Variants in MTF2 observed in about 807,000 individuals in gnomAD.
MTF2 encodes the protein metal response element binding transcription factor 2.
MTF2 carries 11 observed loss-of-function variants against 79.5 expected under a neutral mutation model. The ratio of observed to expected loss-of-function variants is 0.14; its 90% CI spans 0.09 to 0.23. The LOEUF (loss-of-function observed/expected upper bound fraction) is 0.23. MTF2 is among the 10% of genes least tolerant of loss of function. The probability of loss-of-function intolerance (pLI) is 1.00; values close to 1 mark genes in which losing one functional copy is unlikely to be tolerated. For synonymous variants in MTF2, 208 were observed against 232.8 expected, an observed-to-expected ratio of 0.89 and a Z score of 0.97; for missense variants, 486 against 711.2, an observed-to-expected ratio of 0.68 and a Z score of 3.60.
rs779044413 is a variant in MTF2, at chr1:93,136,802, T to G, written c.1557T>G (p.Asp519Glu). Residue 519 changes from aspartate to glutamate, a missense_variant, in exon 15 of 15, where the codon GAT becomes GAG. Coordinates refer to ENST00000370298, the MANE Select transcript of MTF2 (RefSeq NM_007358.4). ...AGAACTCAGAAATTGTAAAAGATGA[T>G]GAAGGCAAAGAAGATTATCAGTTTG... ...QTQNSEIVKD[D>E]EGKEDYQFDE... 2 of 1,614,008 alleles carry G rather than the reference T, an allele frequency of 1.2e-6. No individual in the cohort carries two copies. Among genetic ancestry groups the G allele is most frequent in the Non-Finnish European group, 1.7e-6 (2 of 1,180,022 alleles).
intron 9 of MTF2, among the ~76,000 whole-genome samples, chr1:93,125,227 A>T (rs1656645134): frequency 6.6e-6 from 1 of 151,908 alleles, no homozygotes; most frequent in Admixed American, 6.6e-5. Flanking sequence ...GCAATAAGGA[A>T]AATCTCTTAT....
intron 6 of MTF2, 58 bp from the exon 7 acceptor site, chr1:93,118,287 A>G: frequency 9.2e-7 from 1 of 1,081,400 alleles, no homozygotes; most frequent in South Asian, 1.6e-5. Context: ...TTTTAAAGAA[A>G]TGAACCTTTC....
chr1:93,113,609 A>G (rs1186990969), intron 3 of MTF2, among the ~76,000 whole-genome samples: 2 of 152,160 alleles, frequency 1.3e-5, no homozygotes, highest in Non-Finnish European at 2.9e-5. Flanking sequence ...ATGAAAAATG[A>G]TTTTCATTTT....
intron 1 of MTF2, among the ~76,000 whole-genome samples, chr1:93,082,198 A>G (rs1176873603): frequency 2.0e-5 from 3 of 152,212 alleles, no homozygotes; most frequent in Non-Finnish European, 2.9e-5. Flanking sequence ...ACACTTTGGT[A>G]GAAAAAACTT....
intron 1 of MTF2, among the ~76,000 whole-genome samples, chr1:93,099,745 T>G (rs916313567): frequency 6.6e-5 from 10 of 152,060 alleles, no homozygotes; most frequent in Non-Finnish European, 1.0e-4. Context: ...TAGAGGATAG[T>G]CATTCTAGAT....
intron 14 of MTF2, among the ~76,000 whole-genome samples, chr1:93,136,402 G>C (rs1206346063): frequency 6.6e-6 from 1 of 152,082 alleles, no homozygotes; most frequent in Non-Finnish European, 1.5e-5. Flanking sequence ...TTCCTTGTTG[G>C]CCTCCTAAGT....
chr1:93,133,907 G>A, intron 12 of MTF2, 21 bp from the exon 13 acceptor site: 2 of 1,552,410 alleles, frequency 1.3e-6, no homozygotes. Context: ...CATGCTTTAA[G>A]TATATATTTT....
chr1:93,121,743 C>A, intron 9 of MTF2: 1 of 903,132 alleles, frequency 1.1e-6, no homozygotes, highest in Non-Finnish European at 1.3e-6. Flanking sequence ...CTGTTAAATA[C>A]TTTTTTTTTA....
chr1:93,101,970 A>T (rs1255046057), intron 1 of MTF2, among the ~76,000 whole-genome samples: 1 of 152,106 alleles, frequency 6.6e-6, no homozygotes, highest in Non-Finnish European at 1.5e-5. Flanking sequence ...CTGAAACTAT[A>T]TGCCCGTTGT....
intron 1 of MTF2, among the ~76,000 whole-genome samples, chr1:93,108,268 T>TTGTGTG (rs146951003): frequency 7.3e-5 from 11 of 151,274 alleles, no homozygotes; most frequent in South Asian, 6.3e-4. Flanking sequence ...TTGGTATTCT[T>TTGTGTG]TGTGTGTGTG....
chr1:93,094,674 C>CT (rs1049585668), intron 1 of MTF2, among the ~76,000 whole-genome samples: 4 of 151,028 alleles, frequency 2.6e-5, no homozygotes, highest in Non-Finnish European at 4.4e-5. Context: ...TCAGGTTTGC[C>CT]TTTTTGGGGG....
intron 1 of MTF2, among the ~76,000 whole-genome samples, chr1:93,090,718 C>T (rs1655041540): frequency 6.7e-6 from 1 of 148,708 alleles, no homozygotes. Context: ...GGCTGGAATG[C>T]AGTGGCACGA....
chr1:93,115,740 C>A, intron 6 of MTF2, 122 bp downstream of exon 6: 1 of 676,192 alleles, frequency 1.5e-6, no homozygotes, highest in Non-Finnish European at 2.2e-6. Context: ...TGAAGAAAAC[C>A]AGGGGGAAAA....
rs565670350 is a variant in MTF2 at position 93,099,338 on chromosome 1, A to G, written c.6-10892A>G. Among the ~76,000 whole-genome samples, 15 of 152,314 alleles carry G rather than the reference A, an allele frequency of 9.8e-5. No individual in the cohort carries two copies. In the South Asian group the frequency reaches 3.1e-3, roughly 32 times the overall value. On this transcript the variant is annotated intron_variant, in intron 1 of 14. Transcript: ENST00000370298. ...AGAAAAACAAATGAAAGGATTTACC[A>G]AGGGCTGGACAGTATGATTGAAAGA...
intron 1 of MTF2, among the ~76,000 whole-genome samples, chr1:93,098,478 G>A (rs986797518): frequency 6.6e-6 from 1 of 152,138 alleles, no homozygotes; most frequent in Non-Finnish European, 1.5e-5. Flanking sequence ...CTGGCATATA[G>A]CAGGCATTGT....
rs569321403 is a variant in MTF2, at chr1:93,091,493, G to GC, written c.5+11966dup. Among the ~76,000 whole-genome samples the GC allele has an allele frequency of 3.4e-4, 52 of 152,274 alleles. 2 individuals are homozygous for GC. In the South Asian group the frequency reaches 0.01, roughly 30 times the overall value. ...TTATAGGTGACAGCCACTGTGCTTA[G>GC]CCCCTCTGGAGTTGTTTGTCCATCA... On this transcript the variant is annotated intron_variant, in intron 1 of 14. Transcript: ENST00000370298.
intron 1 of MTF2, among the ~76,000 whole-genome samples, chr1:93,088,094 AGAGCCCC>A (rs757276327): frequency 7.9e-5 from 12 of 152,182 alleles, no homozygotes; most frequent in Admixed American, 5.9e-4. Flanking sequence ...GCTTGCAGCA[AGAGCCCC>A]TCAGTTCTCT....
intron 1 of MTF2, among the ~76,000 whole-genome samples, chr1:93,107,081 T>C (rs1185161042): frequency 2.0e-5 from 3 of 152,170 alleles, no homozygotes; most frequent in Non-Finnish European, 4.4e-5. Flanking sequence ...GAAAAAACAA[T>C]GTTAGATAAA....
rs117625199 is a variant in MTF2 at position 93,127,155 on chromosome 1, A to G, written c.922-77A>G. On this transcript the variant is annotated intron_variant, in intron 9 of 14. Transcript: ENST00000370298. ...TCAGTACACTTTTCCTCTGCATCAC[A>G]TTGCCTCTATCTAGCACCTGTATAT... 7.5e-4 allele frequency: 735 copies of G among 974,510 alleles called. 7 individuals carry two copies. In the East Asian group the frequency reaches 0.016, roughly 21 times the overall value. 60.4% of individuals were successfully genotyped at this position (974,510 alleles called of 1,614,324 possible). A position where few individuals can be genotyped will look rare whatever the true frequency, so the allele number is the denominator to read the frequency against.
Sources: allele counts gnomAD v4.1 joint callset (sites outside exome capture counted in the v4.1 genomes callset), GRCh38; gene constraint gnomAD v4.1.1; transcripts MANE v1.5; gene names NCBI Gene and HGNC (gene_info 2026-07-23, HGNC 2026-07-21).